The following DKK2 variants were observed in gnomAD, a reference collection of about 807,000 sequenced individuals.
DKK2 encodes dickkopf-related protein 2.
In DKK2, 11 loss-of-function variants were observed where a neutral mutation model predicts 28.1. The ratio of observed to expected loss-of-function variants is 0.39; its 90% CI spans 0.25 to 0.65. DKK2 has a LOEUF of 0.65. Among genes scored for constraint, DKK2 ranks in the 30% least tolerant of loss-of-function variants. The pLI is 0.47. For missense variants in DKK2, 326 were observed against 335.5 expected (o/e 0.97, Z 0.22); for synonymous variants, 135 against 126.5 (o/e 1.07, Z -0.45).
At chr4:107,014,710 G>T (rs1436457878) in intron 1 of DKK2, among the ~76,000 whole-genome samples, 2 of 151,496 alleles carry the variant, frequency 1.3e-5, no homozygotes, top group African/African-American at 2.4e-5. Context: ...GCCCTGATTT[G>T]ATCATTTTAC....
At chr4:106,950,218 T>C (rs1170544345) in intron 1 of DKK2, among the ~76,000 whole-genome samples, 2 of 152,312 alleles carry the variant, frequency 1.3e-5, no homozygotes, top group Admixed American at 6.5e-5. Flanking sequence ...TCCCAGTAAA[T>C]GGAAAGTCTA....
At chr4:106,992,877 T>C (rs1470391469) in intron 1 of DKK2, among the ~76,000 whole-genome samples, 2 of 152,208 alleles carry the variant, frequency 1.3e-5, no homozygotes, top group South Asian at 2.1e-4. Context: ...GCTATTGTTG[T>C]TGTTGCATAG....
intron 1 of DKK2, among the ~76,000 whole-genome samples, chr4:106,975,919 C>G (rs1311383580): frequency 1.3e-5 from 2 of 152,126 alleles, no homozygotes; most frequent in Non-Finnish European, 2.9e-5. Flanking sequence ...AGCTGTGTCC[C>G]AGAGATTCTG....
intron 1 of DKK2, among the ~76,000 whole-genome samples, chr4:106,973,731 T>C (rs1333458309): frequency 1.3e-5 from 2 of 152,224 alleles, no homozygotes; most frequent in African/African-American, 4.8e-5. Context: ...AGAAGCTCTT[T>C]AGCTTAATTA....
intron 1 of DKK2, among the ~76,000 whole-genome samples, chr4:107,010,576 G>A (rs1019904689): frequency 4.0e-5 from 6 of 151,498 alleles, no homozygotes; most frequent in Non-Finnish European, 5.9e-5. Context: ...TTAGTAAGAC[G>A]TGTCAAGTCT....
intron 1 of DKK2, among the ~76,000 whole-genome samples, chr4:107,030,363 C>A (rs1433640460): frequency 6.6e-6 from 1 of 151,934 alleles, no homozygotes; most frequent in Admixed American, 6.6e-5. Flanking sequence ...CTTATGCATT[C>A]TATATTAAAT....
At chr4:106,999,754 A>T (rs1723333251) in intron 1 of DKK2, among the ~76,000 whole-genome samples, 1 of 152,246 alleles carries the variant, frequency 6.6e-6, no homozygotes, top group Non-Finnish European at 1.5e-5. Flanking sequence ...ACAAAAAAAT[A>T]GATTTAATTT....
intron 1 of DKK2, among the ~76,000 whole-genome samples, chr4:106,956,714 G>A (rs1369249133): frequency 1.3e-4 from 19 of 151,828 alleles, no homozygotes; most frequent in South Asian, 4.2e-4. Flanking sequence ...GAAAGCTGAA[G>A]CTGGATCCCT....
intron 1 of DKK2, among the ~76,000 whole-genome samples, chr4:106,982,457 T>C (rs1723040450): frequency 2.6e-5 from 4 of 152,210 alleles, no homozygotes; most frequent in Non-Finnish European, 5.9e-5. Flanking sequence ...TCCGGGCTGC[T>C]AGTGCTGGGT....
At chr4:106,943,275 C>T (rs1724728186) in intron 1 of DKK2, among the ~76,000 whole-genome samples, 1 of 152,086 alleles carries the variant, frequency 6.6e-6, no homozygotes, top group Non-Finnish European at 1.5e-5. Flanking sequence ...CCTACCTATA[C>T]TCTTTGAGTA....
At chr4:106,971,972 CT>C (rs1298767383) in intron 1 of DKK2, among the ~76,000 whole-genome samples, 1 of 152,106 alleles carries the variant, frequency 6.6e-6, no homozygotes, top group African/African-American at 2.4e-5. Flanking sequence ...CCTGACACTA[CT>C]TTCTTTGGTA....
chr4:107,006,250 G>T (rs1421827278), intron 1 of DKK2, among the ~76,000 whole-genome samples: 2 of 152,186 alleles, frequency 1.3e-5, no homozygotes, highest in Admixed American at 6.5e-5. Flanking sequence ...CCATTTTCAT[G>T]TGTTATTAAT....
intron 1 of DKK2, among the ~76,000 whole-genome samples, chr4:107,029,688 A>G (rs1332585335): frequency 1.3e-5 from 2 of 152,136 alleles, no homozygotes; most frequent in African/African-American, 4.8e-5. Context: ...CTCTTGGGAA[A>G]GGTTTGGACA....
In DKK2 at chr4:106,922,390, A is replaced by G. The variant is rs1302270398; in HGVS notation, c.*1564T>C. ...GCTCCAGACAAAGTATTTAGAACTG[A>G]GTTAAGTTTAAAAAAAGTAGTAAAG... On this transcript the variant is annotated 3_prime_UTR_variant, in exon 4 of 4. Transcript: ENST00000285311. 1.3e-5 allele frequency: 2 copies of G among 152,224 alleles called. No individual in the cohort carries two copies. Among genetic ancestry groups the G allele is most frequent in the Non-Finnish European group, 2.9e-5 (2 of 68,040 alleles). The allele number at this position is 152,224 out of a possible 1,614,324, so 9.4% of individuals were successfully genotyped here.
chr4:106,961,565 G>GCACACACACACACACA (rs34597899), intron 1 of DKK2, among the ~76,000 whole-genome samples: 140 of 136,298 alleles, frequency 1.0e-3, no homozygotes, highest in Middle Eastern at 3.9e-3. Context: ...CCAACAGCCT[G>GCACACACACACACACA]CACACACACA....
chr4:106,934,268 T>C (rs923359561), intron 1 of DKK2, among the ~76,000 whole-genome samples: 3 of 152,212 alleles, frequency 2.0e-5, no homozygotes, highest in African/African-American at 7.2e-5. Flanking sequence ...GTATTACCTA[T>C]TAAAATTAAT....
At chr4:107,011,708 T>G (rs532823963) in intron 1 of DKK2, among the ~76,000 whole-genome samples, 4 of 151,538 alleles carry the variant, frequency 2.6e-5, no homozygotes, top group African/African-American at 7.2e-5. Context: ...TGTGTGTGTG[T>G]GTGTGGGTGT....
intron 1 of DKK2, among the ~76,000 whole-genome samples, chr4:107,005,340 CA>C (rs35333301): frequency 0.021 from 1,558 of 72,474 alleles, 2 homozygotes; most frequent in Middle Eastern, 0.034. Context: ...GACTTGGTCT[CA>C]AAAAAAAAAA....
chr4:106,999,731 A>T (rs1259447400), intron 1 of DKK2, among the ~76,000 whole-genome samples: 3 of 152,192 alleles, frequency 2.0e-5, no homozygotes, highest in Non-Finnish European at 4.4e-5. Flanking sequence ...GTTAGAAAGG[A>T]TATGACTACA....
Sources: allele counts gnomAD v4.1 joint callset (sites outside exome capture counted in the v4.1 genomes callset), GRCh38; gene constraint gnomAD v4.1.1; transcripts MANE v1.5; gene names NCBI Gene and HGNC (gene_info 2026-07-23, HGNC 2026-07-21).